The following TSHZ2 variants were observed in gnomAD, a reference collection of about 807,000 sequenced individuals.
TSHZ2 encodes the protein teashirt zinc finger homeobox 2, also known as teashirt homolog 2.
Under a neutral mutation model 74.4 loss-of-function variants are expected in TSHZ2, and 21 were observed. The ratio of observed to expected loss-of-function variants is 0.28; its 90% CI spans 0.20 to 0.41. TSHZ2 has a LOEUF of 0.41. Ranked by LOEUF, TSHZ2 falls within the 10% of genes least tolerant of loss-of-function variation. The probability of loss-of-function intolerance (pLI) is 1.00; values close to 1 mark genes in which losing one functional copy is unlikely to be tolerated. For synonymous variants in TSHZ2, 540 were observed against 515.3 expected (o/e 1.05, Z -0.65); for missense variants, 1,244 against 1,293.5 (o/e 0.96, Z 0.59).
rs140202205 is a variant in TSHZ2, at chr20:53,130,578, A to G, written c.41-122921A>G. 2.5e-4 allele frequency among the ~76,000 whole-genome samples: 38 copies of G among 152,316 alleles called. No homozygotes were observed. The East Asian group carries it at 7.1e-3, about 29-fold the overall frequency. On this transcript the variant is annotated intron_variant, in intron 1 of 2. Coordinates refer to ENST00000371497, the MANE Select transcript of TSHZ2 (RefSeq NM_173485.6). Reference sequence around the variant, plus strand: ...AGGGTGGAGGTTGCAGTGAGCTGAGATTGCTCCACTGCACTCCAGCCTGGG... The same window carrying G: ...AGGGTGGAGGTTGCAGTGAGCTGAGGTTGCTCCACTGCACTCCAGCCTGGG...
intron 2 of TSHZ2, among the ~76,000 whole-genome samples, chr20:53,476,051 T>C (rs1258658283): frequency 7.2e-6 from 1 of 138,968 alleles, no homozygotes; most frequent in Admixed American, 7.2e-5. Context: ...CAGGACCAGA[T>C]GGATTCACAG....
At chr20:53,429,195 C>T (rs941944660) in intron 2 of TSHZ2, among the ~76,000 whole-genome samples, 3 of 152,166 alleles carry the variant, frequency 2.0e-5, no homozygotes, top group Non-Finnish European at 4.4e-5. Flanking sequence ...GATAAGGGAA[C>T]ACAGAGCAAC....
intron 2 of TSHZ2, among the ~76,000 whole-genome samples, chr20:53,442,214 T>C (rs2145759431): frequency 6.6e-6 from 1 of 152,326 alleles, no homozygotes; most frequent in East Asian, 1.9e-4. Context: ...GACAGTTCTG[T>C]ACCCATACTC....
intron 2 of TSHZ2, among the ~76,000 whole-genome samples, chr20:53,338,079 T>G (rs547031352): frequency 5.3e-5 from 8 of 152,326 alleles, no homozygotes; most frequent in Non-Finnish European, 1.0e-4. Context: ...CACACCATAG[T>G]GTGTCCATGA....
At chr20:53,019,071 C>T (rs1410506102) in intron 1 of TSHZ2, among the ~76,000 whole-genome samples, 1 of 152,156 alleles carries the variant, frequency 6.6e-6, no homozygotes, top group East Asian at 1.9e-4. Context: ...AGGGAAAGGA[C>T]CAATTCTCTA....
At chr20:52,981,115 A>G (rs2122878261) in intron 1 of TSHZ2, among the ~76,000 whole-genome samples, 1 of 152,338 alleles carries the variant, frequency 6.6e-6, no homozygotes, top group South Asian at 2.1e-4. Context: ...AAAGTTGGGT[A>G]CACTGCTGAG....
At chr20:53,028,838 G>A (rs985142798) in intron 1 of TSHZ2, among the ~76,000 whole-genome samples, 1 of 152,128 alleles carries the variant, frequency 6.6e-6, no homozygotes, top group African/African-American at 2.4e-5. Context: ...ATGTCTAAAG[G>A]ACCCAGGCAA....
intron 2 of TSHZ2, among the ~76,000 whole-genome samples, chr20:53,471,261 CT>C (rs2145837396): frequency 6.6e-6 from 1 of 152,122 alleles, no homozygotes; most frequent in African/African-American, 2.4e-5. Flanking sequence ...CTTTAAAACC[CT>C]TCATGGTTTC....
chr20:53,379,968 G>A (rs1981797157), intron 2 of TSHZ2, among the ~76,000 whole-genome samples: 2 of 152,214 alleles, frequency 1.3e-5, no homozygotes, highest in African/African-American at 4.8e-5. Flanking sequence ...GAAAGGAAAT[G>A]TGTAGCAAAA....
chr20:53,209,957 G>A (rs1989260676), intron 1 of TSHZ2, among the ~76,000 whole-genome samples: 1 of 152,214 alleles, frequency 6.6e-6, no homozygotes, highest in Non-Finnish European at 1.5e-5. Context: ...ACCACTTGGG[G>A]AAAGGAAGAA....
At chr20:53,329,090 G>A (rs764033867) in intron 2 of TSHZ2, among the ~76,000 whole-genome samples, 6 of 152,276 alleles carry the variant, frequency 3.9e-5, no homozygotes, top group Admixed American at 1.3e-4. Flanking sequence ...TATTGCCATC[G>A]GAAGGGTTTC....
At chr20:53,065,694 AC>A (rs1984962114) in intron 1 of TSHZ2, among the ~76,000 whole-genome samples, 1 of 152,132 alleles carries the variant, frequency 6.6e-6, no homozygotes, top group Non-Finnish European at 1.5e-5. Context: ...ACAGGACCCT[AC>A]CTTCCTCCCA....
chr20:53,183,539 G>A (rs1988531379), intron 1 of TSHZ2, among the ~76,000 whole-genome samples: 1 of 152,240 alleles, frequency 6.6e-6, no homozygotes, highest in Non-Finnish European at 1.5e-5. Context: ...GATTCTGTTT[G>A]GCAGGATTCA....
intron 1 of TSHZ2, among the ~76,000 whole-genome samples, chr20:53,161,705 G>A (rs949273640): frequency 1.4e-4 from 21 of 152,238 alleles, no homozygotes; most frequent in Non-Finnish European, 2.2e-4. Flanking sequence ...GAAGGAATCC[G>A]CCCGCATGAT....
At chr20:52,981,146 C>G (rs532273967) in intron 1 of TSHZ2, among the ~76,000 whole-genome samples, 1 of 152,280 alleles carries the variant, frequency 6.6e-6, no homozygotes, top group South Asian at 2.1e-4. Context: ...TGTTTTCCCC[C>G]TTGGGATTAG....
rs576759291 is a variant in TSHZ2 at position 53,074,457 on chromosome 20, C to T, written c.40+101124C>T. 6.6e-6 allele frequency among the ~76,000 whole-genome samples: 1 copy of T among 152,116 alleles called. No individual in the cohort carries two copies. The highest frequency in any genetic ancestry group is 2.4e-5 in the African/African-American group (1 of 41,496). On this transcript the variant is annotated intron_variant, in intron 1 of 2. Coordinates refer to ENST00000371497, the MANE Select transcript of TSHZ2 (RefSeq NM_173485.6). This position sits in a 1 kb window ranked among gnomAD's most constrained non-coding sequence, Gnocchi z 5.9. ...AAGTCAGAATGAGATGGATGCAGTA[C>T]GAAGTGTAGAAATCCAACAAATGTG... is the stretch of plus-strand genomic sequence containing the variant.
chr20:53,318,761 T>C (rs1979128468), intron 2 of TSHZ2, among the ~76,000 whole-genome samples: 1 of 152,178 alleles, frequency 6.6e-6, no homozygotes, highest in South Asian at 2.1e-4. Flanking sequence ...CTTGGTACAG[T>C]TAGTGAGAAC....
intron 1 of TSHZ2, among the ~76,000 whole-genome samples, chr20:53,164,654 A>G (rs1254348901): frequency 6.6e-6 from 1 of 152,188 alleles, no homozygotes; most frequent in Non-Finnish European, 1.5e-5. Flanking sequence ...AAATGCCCAC[A>G]TGGAGTTAGT....
intron 1 of TSHZ2, among the ~76,000 whole-genome samples, chr20:53,226,645 G>T (rs1296139648): frequency 1.3e-5 from 2 of 152,080 alleles, no homozygotes; most frequent in Non-Finnish European, 2.9e-5. Context: ...TAAAGCTCAG[G>T]TGTTCAAATG....
Sources: allele counts gnomAD v4.1 joint callset (sites outside exome capture counted in the v4.1 genomes callset), GRCh38; gene constraint gnomAD v4.1.1; non-coding constraint Gnocchi (gnomAD v3.1); transcripts MANE v1.5; gene names NCBI Gene and HGNC (gene_info 2026-07-23, HGNC 2026-07-21).